TBCD: variants seen among roughly 807,000 people sequenced by gnomAD.
TBCD encodes the protein tubulin folding cofactor D, also known as tubulin-specific chaperone D.
In TBCD, 105 loss-of-function variants were observed where a neutral mutation model predicts 169.3. That is an observed-to-expected ratio of 0.62 (90% confidence interval 0.53 to 0.73). The LOEUF (loss-of-function observed/expected upper bound fraction) is 0.73. TBCD is among the 30% of genes least tolerant of loss of function. The pLI is 0.00. For synonymous variants in TBCD, 700 were observed against 643.9 expected, an observed-to-expected ratio of 1.09 and a Z score of -1.32; for missense variants, 1,444 against 1,600.1, an observed-to-expected ratio of 0.90 and a Z score of 1.66.
rs1319178632 is a variant in TBCD, at chr17:82,831,699, C to T, written c.1318+16765C>T. The T allele has an allele frequency of 1.2e-6, 2 of 1,614,098 alleles. No homozygotes were observed. The highest frequency in any genetic ancestry group is 1.7e-6 in the Non-Finnish European group (2 of 1,180,008). On this transcript the variant is annotated intron_variant, in intron 13 of 38. Coordinates refer to ENST00000355528, the MANE Select transcript of TBCD (RefSeq NM_005993.5). The surrounding 1 kb of genome is among the most constrained non-coding windows in gnomAD (Gnocchi z 4.6). ...GCAGGTAAGGCGAGTAGATGGTGGC[C>T]AGCCCGTGCTCTGTGTAAAAGTGAG... is the stretch of plus-strand genomic sequence containing the variant.
chr17:82,813,736 G>A (rs1227346434), intron 12 of TBCD, among the ~76,000 whole-genome samples: 1 of 152,240 alleles, frequency 6.6e-6, no homozygotes, highest in Non-Finnish European at 1.5e-5. Flanking sequence ...AAGTGCTGAT[G>A]TGAAAATACG....
intron 13 of TBCD, among the ~76,000 whole-genome samples, chr17:82,855,030 G>A (rs999240940): frequency 3.3e-5 from 5 of 152,036 alleles, no homozygotes; most frequent in African/African-American, 9.7e-5. Context: ...GCATTGGGGC[G>A]TCGCATCTCC....
chr17:82,917,996 T>C (rs1229138278), intron 23 of TBCD, among the ~76,000 whole-genome samples: 1 of 152,266 alleles, frequency 6.6e-6, no homozygotes, highest in African/African-American at 2.4e-5. Flanking sequence ...AGGGTTGGTC[T>C]GCGTTATCTA....
intron 13 of TBCD, among the ~76,000 whole-genome samples, chr17:82,851,104 C>T (rs1007875072): frequency 2.0e-5 from 3 of 152,082 alleles, no homozygotes; most frequent in Non-Finnish European, 2.9e-5. Context: ...AAACAAGTCT[C>T]GAGACATTTC....
intron 30 of TBCD, among the ~76,000 whole-genome samples, chr17:82,928,783 C>T (rs1222999303): frequency 1.3e-5 from 2 of 152,154 alleles, no homozygotes; most frequent in East Asian, 3.8e-4. Flanking sequence ...TCTTCTCCAC[C>T]CGCTCCTGTA....
chr17:82,848,598 A>G (rs538582151), intron 13 of TBCD, among the ~76,000 whole-genome samples: 1 of 152,240 alleles, frequency 6.6e-6, no homozygotes, highest in Non-Finnish European at 1.5e-5. Context: ...CTACATGCAC[A>G]GCAGCCAGGT....
intron 7 of TBCD, among the ~76,000 whole-genome samples, chr17:82,788,755 G>C (rs866182236): frequency 6.6e-6 from 1 of 152,050 alleles, no homozygotes; most frequent in Non-Finnish European, 1.5e-5. Flanking sequence ...GGGAACCAGG[G>C]CTTGAGCTGC....
At chr17:82,848,352 T>G (rs1324162011) in intron 13 of TBCD, among the ~76,000 whole-genome samples, 3 of 84,280 alleles carry the variant, frequency 3.6e-5, no homozygotes, top group East Asian at 3.5e-4. Context: ...AGAGGGAAAC[T>G]TGAAACCCTG....
chr17:82,826,033 A>G (rs1044608813), intron 13 of TBCD, among the ~76,000 whole-genome samples: 4 of 152,342 alleles, frequency 2.6e-5, no homozygotes, highest in East Asian at 3.9e-4. Context: ...TCTTAAGCCC[A>G]TATTTCCATT....
intron 1 of TBCD, among the ~76,000 whole-genome samples, chr17:82,752,754 G>A (rs2047175656): frequency 6.6e-6 from 1 of 152,242 alleles, no homozygotes; most frequent in Admixed American, 6.5e-5. Flanking sequence ...CCGGACAGCT[G>A]GTCAGCCCTG....
At chr17:82,792,164 C>T (rs1018394573) in intron 7 of TBCD, among the ~76,000 whole-genome samples, 5 of 151,986 alleles carry the variant, frequency 3.3e-5, no homozygotes, top group East Asian at 1.9e-4. Context: ...AAAAATTAGC[C>T]GGGCGTGGTG....
intron 13 of TBCD, among the ~76,000 whole-genome samples, chr17:82,829,195 G>T (rs953963040): frequency 6.6e-6 from 1 of 150,922 alleles, no homozygotes; most frequent in Non-Finnish European, 1.5e-5. Context: ...ACCCGCAGAC[G>T]TGCACATGCA....
intron 3 of TBCD, among the ~76,000 whole-genome samples, chr17:82,764,773 CTG>C (rs58806550): frequency 0.016 from 2,114 of 131,478 alleles, 57 homozygotes; most frequent in African/African-American, 0.064. Flanking sequence ...TTGCGGGTGT[CTG>C]TGCTCATAGT....
In TBCD at chr17:82,797,906, A is replaced by G. The variant is rs893125335; in HGVS notation, c.817+104A>G. The G allele has an allele frequency of 3.0e-5, 22 of 722,010 alleles. No individual in the cohort carries two copies. Among genetic ancestry groups the G allele is most frequent in the Admixed American group, 1.2e-4 (3 of 25,522 alleles). The allele number at this position is 722,010 out of a possible 1,614,324, so 44.7% of individuals were successfully genotyped here. On this transcript the variant is annotated intron_variant, in intron 8 of 38. Coordinates refer to ENST00000355528, the MANE Select transcript of TBCD (RefSeq NM_005993.5). ...TTATTCATAGATATAGGAACTGTAC[A>G]TTGGTATGTTTGGACACTATCGTTC...
chr17:82,941,875 C>T (rs1026272756), intron 38 of TBCD: 13 of 263,104 alleles, frequency 4.9e-5, no homozygotes, highest in Non-Finnish European at 7.8e-5. Context: ...GAAGCTGCCC[C>T]TGTGCACCTC....
intron 17 of TBCD, among the ~76,000 whole-genome samples, chr17:82,899,439 G>A (rs960316079): frequency 1.3e-5 from 2 of 150,490 alleles, no homozygotes; most frequent in East Asian, 2.0e-4. Flanking sequence ...AGCATCGTGC[G>A]CCTGGGGCCC....
chr17:82,835,065 C>CA lies in TBCD; in HGVS notation c.1318+20139dup, dbSNP rs1255098092. ...TGGGCAACAGAATGAGACCCTGCCT[C>CA]AAAAAAAAGCTAAATGGAAATGACT... On this transcript the variant is annotated intron_variant, in intron 13 of 38. Coordinates refer to ENST00000355528, the MANE Select transcript of TBCD (RefSeq NM_005993.5). This position sits in a 1 kb window ranked among gnomAD's most constrained non-coding sequence, Gnocchi z 4.5. Among the ~76,000 whole-genome samples, 1 of 150,940 alleles carries CA rather than the reference C, an allele frequency of 6.6e-6. No individual in the cohort carries two copies. Among genetic ancestry groups the CA allele is most frequent in the Non-Finnish European group, 1.5e-5 (1 of 67,762 alleles).
At chr17:82,866,135 A>G (rs141921804) in intron 13 of TBCD, among the ~76,000 whole-genome samples, 64 of 152,102 alleles carry the variant, frequency 4.2e-4, no homozygotes, top group African/African-American at 1.4e-3. Context: ...ATGGCAGAGG[A>G]GTTTCTGTTC....
In TBCD at chr17:82,757,466, C is replaced by CA. The variant is rs369703927; in HGVS notation, c.235+1255dup. On this transcript the variant is annotated intron_variant, in intron 2 of 38. Coordinates refer to ENST00000355528, the MANE Select transcript of TBCD (RefSeq NM_005993.5). ...TGAAACCCTGTCTCTACTAATAATA[C>CA]AAAACGTTAGCTGGGCATGCTGGCA... is the stretch of plus-strand genomic sequence containing the variant. Among the ~76,000 whole-genome samples the CA allele has an allele frequency of 1.4e-3, 209 of 152,080 alleles. 1 individual carries two copies. Among genetic ancestry groups the CA allele is most frequent in the Admixed American group, 4.5e-3 (69 of 15,262 alleles).
Sources: allele counts gnomAD v4.1 joint callset (sites outside exome capture counted in the v4.1 genomes callset), GRCh38; gene constraint gnomAD v4.1.1; non-coding constraint Gnocchi (gnomAD v3.1); transcripts MANE v1.5; gene names NCBI Gene and HGNC (gene_info 2026-07-23, HGNC 2026-07-21).